The following FBLN7 variants were observed in gnomAD, a reference collection of about 807,000 sequenced individuals.
FBLN7 encodes the protein fibulin 7.
A neutral mutation model predicts 44.0 loss-of-function variants in FBLN7; 31 were observed. That is an observed-to-expected ratio of 0.70 (90% CI 0.53 to 0.95). The LOEUF (loss-of-function observed/expected upper bound fraction) is 0.95, where lower values mean the gene tolerates loss of function less well. Among genes scored for constraint, FBLN7 ranks in the 40% least tolerant of loss-of-function variants. The probability of loss-of-function intolerance (pLI) is 0.00; values close to 1 mark genes in which losing one functional copy is unlikely to be tolerated. For missense variants in FBLN7, 573 were observed against 618.5 expected (o/e 0.93, Z 0.78); for synonymous variants, 262 against 253.4 (o/e 1.03, Z -0.32).
chr2:112,182,094 T>C (rs903592757), intron 5 of FBLN7: 13 of 598,622 alleles, frequency 2.2e-5, no homozygotes, highest in Middle Eastern at 2.7e-4. Context: ...CAGAACCTGG[T>C]CCAGCCTATG....
At chr2:112,159,982 A>ATTAC (rs1197708550) in intron 2 of FBLN7, 147 bp downstream of exon 2, 2 of 546,434 alleles carry the variant, frequency 3.7e-6, no homozygotes, top group Admixed American at 9.4e-5. Flanking sequence ...TTTTTTATTT[A>ATTAC]TTATTTATTT....
At chr2:112,218,287 A>C in the FBLN7 span, among the ~76,000 whole-genome samples, 2 of 152,334 alleles carry the variant, frequency 1.3e-5, no homozygotes, top group South Asian at 4.1e-4. Context: ...CCAAAGGCAG[A>C]TGTTTTCAGA....
chr2:112,143,463 C>T (rs1274036695), intron 1 of FBLN7, among the ~76,000 whole-genome samples: 1 of 152,190 alleles, frequency 6.6e-6, no homozygotes, highest in Non-Finnish European at 1.5e-5. Flanking sequence ...CAAATTCCAC[C>T]ATGAGAGGTT....
chr2:112,159,653 G>A, intron 1 of FBLN7, 23 bp from the exon 2 acceptor site: 1 of 1,495,264 alleles, frequency 6.7e-7, no homozygotes, highest in Non-Finnish European at 9.0e-7. Flanking sequence ...ATGGGTGGTG[G>A]CGGCGATGTC....
At chr2:112,241,041 T>C in the FBLN7 span, among the ~76,000 whole-genome samples, 10 of 150,180 alleles carry the variant, frequency 6.7e-5, no homozygotes, top group African/African-American at 2.5e-4. Context: ...ATGGGAGGCA[T>C]GAAGTGCATT....
At position 112,165,140 on chromosome 2, in the gene FBLN7, C is replaced by G. The variant is rs145074041; in HGVS notation, c.375C>G (p.Gly125=). The G allele has an allele frequency of 4.4e-5, 71 of 1,614,206 alleles. No individual in the cohort carries two copies. The African/African-American group carries it at 9.1e-4, about 21-fold the overall frequency. Residue 125 remains glycine (G), a synonymous_variant, in exon 3 of 8, where the codon GGC becomes GGG. Coordinates refer to ENST00000331203, the MANE Select transcript of FBLN7 (RefSeq NM_153214.3). The stretch of plus-strand genomic sequence containing the variant: ...GCAGCGTGGTGTGTCTTCCCAATGG[C>G]ACCTGGACAGGGGAGCAGCCCCACT... ...GPSSVVCLPN[G]TWTGEQPHCR... is the part of the protein sequence containing the mutation.
At chr2:112,148,540 A>C (rs562599494) in intron 1 of FBLN7, among the ~76,000 whole-genome samples, 19 of 152,234 alleles carry the variant, frequency 1.2e-4, no homozygotes, top group Non-Finnish European at 1.8e-4. Flanking sequence ...TCTGGATCTG[A>C]AGTTGGCAGG....
intron 2 of FBLN7, among the ~76,000 whole-genome samples, chr2:112,163,258 C>T (rs1398000147): frequency 6.6e-6 from 1 of 152,202 alleles, no homozygotes; most frequent in African/African-American, 2.4e-5. Context: ...CAGGGAGGCC[C>T]ATCACGCTCC....
the FBLN7 span, among the ~76,000 whole-genome samples, chr2:112,194,062 T>C: frequency 1.3e-5 from 2 of 152,320 alleles, no homozygotes; most frequent in African/African-American, 4.8e-5. Flanking sequence ...TGCTCCACAA[T>C]GTCTTTGCTT....
At chr2:112,199,418 G>A in the FBLN7 span, among the ~76,000 whole-genome samples, 1 of 152,084 alleles carries the variant, frequency 6.6e-6, no homozygotes, top group African/African-American at 2.4e-5. Context: ...CAACATTGCT[G>A]CTCTAGAGCT....
At chr2:112,213,786 A>G in the FBLN7 span, 1 of 144,670 alleles carries the variant, frequency 6.9e-6, no homozygotes. Flanking sequence ...AAAAAAAAAA[A>G]AAAAAAAAAA....
intron 2 of FBLN7, among the ~76,000 whole-genome samples, chr2:112,162,786 G>A (rs1294722603): frequency 6.6e-6 from 1 of 152,138 alleles, no homozygotes; most frequent in Non-Finnish European, 1.5e-5. Context: ...ATCTATTCAG[G>A]TATGGTGTAT....
At chr2:112,226,963 C>T in the FBLN7 span, among the ~76,000 whole-genome samples, 9 of 152,108 alleles carry the variant, frequency 5.9e-5, no homozygotes, top group African/African-American at 2.2e-4. Context: ...GTCATCTCAA[C>T]AGATGCACAG....
the FBLN7 span, among the ~76,000 whole-genome samples, chr2:112,241,229 C>G: frequency 2.6e-5 from 4 of 152,078 alleles, no homozygotes; most frequent in Non-Finnish European, 4.4e-5. Flanking sequence ...AGAACACAAC[C>G]ACCCAGGTAC....
chr2:112,169,237 C>T (rs1274761178), intron 3 of FBLN7, among the ~76,000 whole-genome samples: 2 of 152,162 alleles, frequency 1.3e-5, no homozygotes, highest in Non-Finnish European at 2.9e-5. Flanking sequence ...CACACCACTG[C>T]ACTCCAGCCT....
chr2:112,241,706 G>A, the FBLN7 span, among the ~76,000 whole-genome samples: 1 of 152,200 alleles, frequency 6.6e-6, no homozygotes, highest in Non-Finnish European at 1.5e-5. Flanking sequence ...AGTTGTTGCA[G>A]ATCTCAAAAT....
chr2:112,156,730 C>T (rs971200210), intron 1 of FBLN7, among the ~76,000 whole-genome samples: 1 of 152,280 alleles, frequency 6.6e-6, no homozygotes, highest in South Asian at 2.1e-4. Flanking sequence ...CTGGTCAGGC[C>T]CTGGGTATGG....
chr2:112,230,929 ACTT>A, the FBLN7 span: 31 of 1,271,410 alleles, frequency 2.4e-5, no homozygotes, highest in Non-Finnish European at 3.2e-5. Flanking sequence ...TATTTACATG[ACTT>A]CTTTTCAGTA....
At chr2:112,167,028 G>T (rs573620589) in intron 3 of FBLN7, among the ~76,000 whole-genome samples, 8 of 152,310 alleles carry the variant, frequency 5.3e-5, no homozygotes, top group African/African-American at 1.9e-4. Context: ...CTTCAGGCTC[G>T]CTTTGAACTG....
Sources: gnomAD v4.1 joint callset for allele counts (sites outside exome capture counted in the v4.1 genomes callset) on GRCh38, gnomAD v4.1.1 for gene constraint, MANE v1.5 for transcripts, NCBI Gene and HGNC (gene_info 2026-07-23, HGNC 2026-07-21) for gene names.